TTC7B: variants seen among roughly 807,000 people sequenced by gnomAD.
TTC7B encodes the protein tetratricopeptide repeat protein 7B.
TTC7B carries 28 observed loss-of-function variants against 106.8 expected under a neutral mutation model. That is an observed-to-expected ratio of 0.26 (90% confidence interval 0.19 to 0.36). The LOEUF is 0.36. Among genes scored for constraint, TTC7B ranks in the 10% least tolerant of loss-of-function variants. The probability of loss-of-function intolerance (pLI) is 1.00; values close to 1 mark genes in which losing one functional copy is unlikely to be tolerated. For missense variants in TTC7B, 862 were observed against 1,076.4 expected (o/e 0.80, Z 2.79); for synonymous variants, 405 against 430.6 (o/e 0.94, Z 0.74).
At chr14:90,615,921 A>G (rs1419736911) in intron 16 of TTC7B, among the ~76,000 whole-genome samples, 1 of 152,148 alleles carries the variant, frequency 6.6e-6, no homozygotes, top group East Asian at 1.9e-4. Context: ...CCCACCAGAC[A>G]CTGCCTGGAG....
intron 5 of TTC7B, among the ~76,000 whole-genome samples, chr14:90,716,719 G>A (rs149507507): frequency 6.6e-6 from 1 of 152,234 alleles, no homozygotes; most frequent in African/African-American, 2.4e-5. Context: ...GAGTTTTTCT[G>A]GGTATTCTTC....
intron 1 of TTC7B, among the ~76,000 whole-genome samples, chr14:90,786,873 G>A (rs557979574): frequency 2.1e-4 from 32 of 152,110 alleles, no homozygotes; most frequent in South Asian, 1.0e-3. Context: ...GAGCCACTGC[G>A]CCTGGCTGCC....
intron 5 of TTC7B, 87 bp downstream of exon 5, chr14:90,729,988 T>TTATA: frequency 2.2e-6 from 3 of 1,347,868 alleles, no homozygotes; most frequent in Non-Finnish European, 2.9e-6. Flanking sequence ...AATTCCTTTA[T>TTATA]TATAATAACT....
rs1412586307 is a variant in TTC7B, at chr14:90,695,615, A to C, written c.699-37T>G. 4 of 1,354,528 alleles carry C rather than the reference A, an allele frequency of 3.0e-6. No individual in the cohort carries two copies. In the South Asian group the frequency reaches 5.2e-5, roughly 18 times the overall value. The allele number at this position is 1,354,528 out of a possible 1,614,324, so 83.9% of individuals were successfully genotyped here. ...CAGAATTTGACGGTTTTCATCTGGC[A>C]TGTATTAATATTAAATATTTTATAT... On this transcript the variant is annotated intron_variant, in intron 5 of 19. Transcript: ENST00000328459.
intron 3 of TTC7B, among the ~76,000 whole-genome samples, chr14:90,747,503 C>CACACCCGAAGTCTCCTAATTTTGTTA (rs1890005645): frequency 6.6e-6 from 1 of 152,192 alleles, no homozygotes; most frequent in South Asian, 2.1e-4. Flanking sequence ...GTCCAGAGAA[C>CACACCCGAAGTCTCCTAATTTTGTTA]ACACCCGAAG....
At chr14:90,813,672 C>CTG (rs2031022132) in intron 1 of TTC7B, among the ~76,000 whole-genome samples, 1 of 140,818 alleles carries the variant, frequency 7.1e-6, no homozygotes, top group African/African-American at 2.6e-5. Flanking sequence ...ACACTGTATT[C>CTG]TTTTTTTTTT....
intron 4 of TTC7B, among the ~76,000 whole-genome samples, chr14:90,743,523 T>C (rs541211272): frequency 1.3e-5 from 2 of 152,348 alleles, no homozygotes; most frequent in South Asian, 2.1e-4. Flanking sequence ...ATAGGATTTC[T>C]AATCATTTCA....
chr14:90,526,662 C>G lies in TTC7B; in HGVS notation c.*14706G>C, dbSNP rs769745730. The G allele has an allele frequency of 5.9e-5, 9 of 152,132 alleles. No homozygotes were observed. Among genetic ancestry groups the G allele is most frequent in the Non-Finnish European group, 1.0e-4 (7 of 68,030 alleles). The allele number at this position is 152,132 out of a possible 1,614,324, so 9.4% of individuals were successfully genotyped here. A position where few individuals can be genotyped will look rare whatever the true frequency, so the allele number is the denominator to read the frequency against. ...GTAATTGAATCATGGGGGTGGCTAC[C>G]CTCATGCTGTTCTCATGATAGTGAG... On this transcript the variant is annotated 3_prime_UTR_variant, in exon 20 of 20. Transcript: ENST00000328459.
At chr14:90,795,244 T>A (rs540073847) in intron 1 of TTC7B, among the ~76,000 whole-genome samples, 57 of 152,292 alleles carry the variant, frequency 3.7e-4, no homozygotes, top group African/African-American at 1.3e-3. Flanking sequence ...AAAAATGTTT[T>A]CAAGACATTG....
At chr14:90,794,902 G>A (rs1381938227) in intron 1 of TTC7B, among the ~76,000 whole-genome samples, 1 of 152,082 alleles carries the variant, frequency 6.6e-6, no homozygotes, top group Admixed American at 6.5e-5. Context: ...TGATAGAGGG[G>A]CACTGGGTGG....
chr14:90,551,706 G>C (rs1890088250), intron 19 of TTC7B, among the ~76,000 whole-genome samples: 1 of 152,198 alleles, frequency 6.6e-6, no homozygotes, highest in Non-Finnish European at 1.5e-5. Flanking sequence ...CTTTGAAAGG[G>C]TTTCCTTGGA....
intron 16 of TTC7B, among the ~76,000 whole-genome samples, chr14:90,611,417 A>G (rs943887784): frequency 6.6e-6 from 1 of 151,772 alleles, no homozygotes; most frequent in Non-Finnish European, 1.5e-5. Context: ...GGATTCAAGA[A>G]CCCCTGACCC....
At chr14:90,787,086 G>T (rs1003535655) in intron 1 of TTC7B, among the ~76,000 whole-genome samples, 9 of 152,180 alleles carry the variant, frequency 5.9e-5, no homozygotes, top group Non-Finnish European at 1.3e-4. Flanking sequence ...ATCTTAAGAT[G>T]AGTCTGTGTC....
intron 5 of TTC7B, chr14:90,697,722 G>A (rs1232150425): frequency 1.3e-5 from 2 of 152,152 alleles, no homozygotes; most frequent in African/African-American, 4.8e-5. Flanking sequence ...CAATTCCCCC[G>A]TTAAGGTGCA....
In TTC7B at chr14:90,816,353, G is replaced by T; in HGVS notation, c.-58C>A. ...CAGGCCCCACCGCCGCCGCCGCGGC[G>T]CCCCCTCGCCGCCTCCCGCCGCCGC... On this transcript the variant is annotated 5_prime_UTR_variant, in exon 1 of 20. Coordinates refer to ENST00000328459, the MANE Select transcript of TTC7B (RefSeq NM_001010854.2). 1.1e-6 allele frequency: 1 copy of T among 926,032 alleles called. No individual in the cohort carries two copies. Among genetic ancestry groups the T allele is most frequent in the Non-Finnish European group, 1.3e-6 (1 of 779,086 alleles). The allele number at this position is 926,032 out of a possible 1,614,324, so 57.4% of individuals were successfully genotyped here.
chr14:90,800,667 C>T (rs1297611848), intron 1 of TTC7B, among the ~76,000 whole-genome samples: 1 of 151,988 alleles, frequency 6.6e-6, no homozygotes, highest in African/African-American at 2.4e-5. Context: ...AAAAATTAGC[C>T]GGGCACAGTG....
intron 17 of TTC7B, chr14:90,605,775 G>GA: frequency 8.6e-7 from 1 of 1,160,856 alleles, no homozygotes; most frequent in South Asian, 1.7e-5. Context: ...AAGTGAAAGA[G>GA]AAAAAAAGGG....
Position 90,588,221 on chromosome 14 carries a change from C to T in TTC7B, c.2107+5265G>A, listed in dbSNP as rs1358499348. 1.1e-4 allele frequency among the ~76,000 whole-genome samples: 16 copies of T among 152,216 alleles called. No homozygotes were observed. In the East Asian group the frequency reaches 2.3e-3, roughly 22 times the overall value. On this transcript the variant is annotated intron_variant, in intron 18 of 19. Transcript: ENST00000328459. ...TGCCTGGGAGGAGTCTGGGCAAAGGCGCCAGGCCAGGCCAGGCCAGGCCAG... is the reference window on the plus strand; with the variant it reads ...TGCCTGGGAGGAGTCTGGGCAAAGGTGCCAGGCCAGGCCAGGCCAGGCCAG...
intron 17 of TTC7B, among the ~76,000 whole-genome samples, chr14:90,598,163 A>G (rs1173357352): frequency 4.6e-5 from 7 of 152,198 alleles, no homozygotes; most frequent in South Asian, 2.1e-4. Context: ...CACAGGACAC[A>G]GGGGCTCTGA....
Sources: gnomAD v4.1 joint callset for allele counts (sites outside exome capture counted in the v4.1 genomes callset) on GRCh38, gnomAD v4.1.1 for gene constraint, MANE v1.5 for transcripts, NCBI Gene and HGNC (gene_info 2026-07-23, HGNC 2026-07-21) for gene names.